LGSN: variants seen among roughly 807,000 people sequenced by gnomAD.
LGSN encodes the protein lengsin, lens protein with glutamine synthetase domain, also known as lengsin.
In LGSN, 21 loss-of-function variants were observed where a neutral mutation model predicts 19.5. The ratio of observed to expected loss-of-function variants is 1.07; its 90% CI spans 0.76 to 1.55. The LOEUF is 1.55. Ranked by LOEUF, LGSN falls within the 40% of genes most tolerant of loss-of-function variation. The pLI, the probability that LGSN is intolerant of heterozygous loss-of-function variation, is 0.00. For missense variants in LGSN, 673 were observed against 608.5 expected, an observed-to-expected ratio of 1.11 and a Z score of -1.12; for synonymous variants, 257 against 215.6, an observed-to-expected ratio of 1.19 and a Z score of -1.68.
the LGSN span, among the ~76,000 whole-genome samples, chr6:63,569,313 T>C: frequency 6.6e-6 from 1 of 152,244 alleles, no homozygotes; most frequent in Non-Finnish European, 1.5e-5. Flanking sequence ...TAGAGTGCAG[T>C]GCCATGATCT....
chr6:63,361,459 C>T, the LGSN span, among the ~76,000 whole-genome samples: 61 of 152,274 alleles, frequency 4.0e-4, no homozygotes, highest in African/African-American at 1.3e-3. Flanking sequence ...CCGAGTCATG[C>T]GCAGGATATA....
the LGSN span, among the ~76,000 whole-genome samples, chr6:63,529,207 A>G: frequency 6.7e-6 from 1 of 148,850 alleles, no homozygotes; most frequent in Non-Finnish European, 1.5e-5. Flanking sequence ...ATATATATGT[A>G]TATATATTTG....
At chr6:63,439,871 A>G in the LGSN span, among the ~76,000 whole-genome samples, 3 of 152,162 alleles carry the variant, frequency 2.0e-5, no homozygotes, top group African/African-American at 7.2e-5. Context: ...ATGTGGTCAG[A>G]ATTTATTATC....
At chr6:63,482,873 G>C in the LGSN span, among the ~76,000 whole-genome samples, 1 of 151,984 alleles carries the variant, frequency 6.6e-6, no homozygotes, top group Non-Finnish European at 1.5e-5. Context: ...GCTAACTTTT[G>C]TATTTTTAGT....
the LGSN span, among the ~76,000 whole-genome samples, chr6:63,336,547 G>A: frequency 5.9e-4 from 82 of 139,266 alleles, 1 homozygote; most frequent in African/African-American, 2.2e-3. Flanking sequence ...GTGTGTGTGT[G>A]TGTGTGTGTG....
chr6:63,293,764 C>T (rs1582030661), intron 2 of LGSN: 1 of 456,656 alleles, frequency 2.2e-6, no homozygotes, highest in Non-Finnish European at 4.4e-6. Context: ...TCCTTGTCAT[C>T]ATATGACAGA....
chr6:63,476,914 T>C, the LGSN span, among the ~76,000 whole-genome samples: 10 of 152,248 alleles, frequency 6.6e-5, no homozygotes, highest in Non-Finnish European at 1.2e-4. Context: ...TTCTGCTGCT[T>C]CTACCTTTCT....
rs531455070 is a variant in LGSN, at chr6:63,280,160, A to C, written c.1391T>G (p.Val464Gly). Residue 464 changes from valine (V) to glycine (G), a missense_variant, in exon 4 of 4, where the codon GTG (valine) becomes GGG (glycine). Val to Gly is a moderately radical substitution (Grantham distance 109). Coordinates refer to ENST00000370657, the MANE Select transcript of LGSN (RefSeq NM_016571.3). ...EIPLKLEDAL[V>G]ALEEDQCLRQ... is the part of the protein sequence containing the mutation. ...CAGGCATTGATCTTCTTCCAGTGCCACAAGGGCATCTTCTAGTTTTAAAGG... is the reference window on the plus strand; with the variant it reads ...CAGGCATTGATCTTCTTCCAGTGCCCCAAGGGCATCTTCTAGTTTTAAAGG... 1 of 1,614,228 alleles carries C rather than the reference A, an allele frequency of 6.2e-7. No individual in the cohort carries two copies. Among genetic ancestry groups the C allele is most frequent in the African/African-American group, 1.3e-5 (1 of 75,060 alleles).
the LGSN span, among the ~76,000 whole-genome samples, chr6:63,536,644 C>T: frequency 6.6e-6 from 1 of 152,064 alleles, no homozygotes; most frequent in Admixed American, 6.6e-5. Flanking sequence ...TTGTGTCAGT[C>T]GCGATAACTG....
chr6:63,443,709 AC>A, the LGSN span: 1 of 245,842 alleles, frequency 4.1e-6, no homozygotes. Flanking sequence ...GCTGATTGGT[AC>A]TTGAGACCTC....
chr6:63,481,787 G>A, the LGSN span: 2 of 302,682 alleles, frequency 6.6e-6, no homozygotes, highest in South Asian at 3.6e-5. Context: ...TCATGTTGAA[G>A]ATGATAAAGT....
At chr6:63,377,544 A>G in the LGSN span, among the ~76,000 whole-genome samples, 1 of 152,170 alleles carries the variant, frequency 6.6e-6, no homozygotes, top group Admixed American at 6.5e-5. Context: ...TAGAAAGAAC[A>G]CCTAACGTAA....
In LGSN at chr6:63,280,205, T is replaced by A. The variant is rs762574500; in HGVS notation, c.1346A>T (p.Gln449Leu). 6.2e-7 allele frequency: 1 copy of A among 1,614,212 alleles called. No individual in the cohort carries two copies. The highest frequency in any genetic ancestry group is 1.1e-5 in the South Asian group (1 of 91,082). ...TAAAGGGATCTCAGAAGGTTCCACTTGGTAAAAGTCTGTGCTCTCATCTGG... is the reference window on the plus strand; with the variant it reads ...TAAAGGGATCTCAGAAGGTTCCACTAGGTAAAAGTCTGTGCTCTCATCTGG... ...AGPDESTDFY[Q>L]VEPSEIPLKL... Residue 449 changes from glutamine (Q) to leucine (L), a missense_variant, in exon 4 of 4, where the codon CAA becomes CTA. By Grantham distance (113) the Gln-to-Leu change is moderately radical. Transcript: ENST00000370657.
the LGSN span, among the ~76,000 whole-genome samples, chr6:63,407,416 C>T: frequency 6.6e-6 from 1 of 152,142 alleles, no homozygotes; most frequent in Non-Finnish European, 1.5e-5. Flanking sequence ...TAAACAGAAC[C>T]AATGACAAAA....
At chr6:63,309,168 C>A (rs1157441890) in intron 1 of LGSN, among the ~76,000 whole-genome samples, 13 of 152,136 alleles carry the variant, frequency 8.5e-5, no homozygotes. Flanking sequence ...CGCGGTGGCT[C>A]ACGTCTGTAA....
At chr6:63,492,619 CTG>C in the LGSN span, among the ~76,000 whole-genome samples, 2 of 152,176 alleles carry the variant, frequency 1.3e-5, no homozygotes, top group Non-Finnish European at 2.9e-5. Context: ...GCACACGGCC[CTG>C]CTGAGGTAGG....
At chr6:63,336,543 G>GTA in the LGSN span, among the ~76,000 whole-genome samples, 1 of 140,526 alleles carries the variant, frequency 7.1e-6, no homozygotes, top group African/African-American at 2.9e-5. Flanking sequence ...GTGTGTGTGT[G>GTA]TGTGTGTGTG....
the LGSN span, among the ~76,000 whole-genome samples, chr6:63,326,536 G>T: frequency 2.0e-5 from 3 of 152,220 alleles, no homozygotes; most frequent in African/African-American, 4.8e-5. Flanking sequence ...CCGCACAGGA[G>T]CCCACGGAGG....
At chr6:63,516,538 A>T in the LGSN span, among the ~76,000 whole-genome samples, 5 of 152,180 alleles carry the variant, frequency 3.3e-5, no homozygotes, top group Non-Finnish European at 5.9e-5. Context: ...AGTCCATTTA[A>T]CTTCTTATGA....
Sources: allele counts gnomAD v4.1 joint callset (sites outside exome capture counted in the v4.1 genomes callset), GRCh38; gene constraint gnomAD v4.1.1; transcripts MANE v1.5; gene names NCBI Gene and HGNC (gene_info 2026-07-23, HGNC 2026-07-21).